The following GNA15 variants were observed in gnomAD, a reference collection of about 807,000 sequenced individuals.
GNA15 encodes the protein guanine nucleotide-binding protein subunit alpha-15.
A neutral mutation model predicts 40.1 loss-of-function variants in GNA15; 23 were observed. The observed-to-expected ratio is 0.57, with a 90% confidence interval of 0.41 to 0.81. The LOEUF (loss-of-function observed/expected upper bound fraction) is 0.81, where lower values mean the gene tolerates loss of function less well. Among genes scored for constraint, GNA15 ranks in the 40% least tolerant of loss-of-function variants. GNA15 has a pLI of 0.00. For missense variants in GNA15, 522 were observed against 515.8 expected (o/e 1.01, Z -0.12); for synonymous variants, 226 against 210.4 (o/e 1.07, Z -0.64).
At chr19:3,137,922 C>A in intron 1 of GNA15, among the ~76,000 whole-genome samples, 1 of 151,212 alleles carries the variant, frequency 6.6e-6, no homozygotes, top group Non-Finnish European at 1.5e-5. Context: ...GATCGGGCCA[C>A]TGCACTCCAG....
chr19:3,155,736 C>A lies in GNA15; in HGVS notation c.615-87C>A. 2 of 1,451,422 alleles carry A rather than the reference C, an allele frequency of 1.4e-6. No homozygotes were observed. The highest frequency in any genetic ancestry group is 9.3e-7 in the Non-Finnish European group (1 of 1,071,934). The allele number at this position is 1,451,422 out of a possible 1,614,324, so 89.9% of individuals were successfully genotyped here. A position where few individuals can be genotyped will look rare whatever the true frequency, so the allele number is the denominator to read the frequency against. ...TATTCTTGCTGTCGCTATTATGGATCTTGGCATATCCCAGACGTGATGGGG... is the reference window on the plus strand; with the variant it reads ...TATTCTTGCTGTCGCTATTATGGATATTGGCATATCCCAGACGTGATGGGG... On this transcript the variant is annotated intron_variant, in intron 4 of 6. Coordinates refer to ENST00000262958, the MANE Select transcript of GNA15 (RefSeq NM_002068.4). The surrounding 1 kb of genome is among the most constrained non-coding windows in gnomAD (Gnocchi z 5.6).
At chr19:3,138,064 A>G (rs626530) in intron 1 of GNA15, among the ~76,000 whole-genome samples, 137,246 of 152,214 alleles carry the variant, frequency 0.9, 61,951 homozygotes, top group African/African-American at 0.92. Context: ...AGGAGTTCGA[A>G]ATCAGCCTGG....
chr19:3,137,233 A>C (rs1351702081), intron 1 of GNA15, among the ~76,000 whole-genome samples: 2 of 152,248 alleles, frequency 1.3e-5, no homozygotes, highest in African/African-American at 2.4e-5. Context: ...TTTAGTCTGT[A>C]AACTCATAAG....
Position 3,136,633 on chromosome 19 carries a change from TG to T in GNA15, c.145+41del. 6.6e-7 allele frequency: 1 copy of T among 1,526,414 alleles called. No homozygotes were observed. The highest frequency in any genetic ancestry group is 8.9e-7 in the Non-Finnish European group (1 of 1,129,426). The allele number at this position is 1,526,414 out of a possible 1,614,324, so 94.6% of individuals were successfully genotyped here. The stretch of plus-strand genomic sequence containing the variant: ...TCGGTGGGCGGTGGGTGGTGGGCAG[TG>T]GGCGGTGGCCAGCCGGCAGGGGTGT... On this transcript the variant is annotated intron_variant, in intron 1 of 6. Transcript: ENST00000262958. The surrounding 1 kb of genome is among the most constrained non-coding windows in gnomAD (Gnocchi z 4.9).
At chr19:3,150,411 G>A in intron 3 of GNA15, 126 bp downstream of exon 3, 1 of 834,184 alleles carries the variant, frequency 1.2e-6, no homozygotes, top group Non-Finnish European at 1.8e-6. Context: ...CCTGCTCCAG[G>A]ATGAGGTCCT....
rs1365825471 is a variant in GNA15, at chr19:3,155,897, T to C, written c.689T>C (p.Ile230Thr). The C allele has an allele frequency of 2.5e-6, 4 of 1,613,798 alleles. No individual in the cohort carries two copies. Among genetic ancestry groups the C allele is most frequent in the Middle Eastern group, 1.6e-4 (1 of 6,084 alleles). The stretch of plus-strand genomic sequence containing the variant: ...TGTTTCGAGAACGTGATCGCCCTCA[T>C]CTACCTGGCCTCACTGAGTGAATAC... ...IHCFENVIALIYLASLSEYDQ... is the reference protein window; with the variant it reads ...IHCFENVIALTYLASLSEYDQ... Residue 230 changes from isoleucine (I) to threonine (T), a missense_variant, in exon 5 of 7, where the codon ATC (isoleucine) becomes ACC (threonine). Coordinates refer to ENST00000262958, the MANE Select transcript of GNA15 (RefSeq NM_002068.4). This position sits in a 1 kb window ranked among gnomAD's most constrained non-coding sequence, Gnocchi z 5.6.
intron 1 of GNA15, among the ~76,000 whole-genome samples, chr19:3,138,379 A>G (rs1007165448): frequency 1.3e-5 from 2 of 151,400 alleles, no homozygotes; most frequent in African/African-American, 2.4e-5. Flanking sequence ...CCGGGATGCT[A>G]GCCTGGGAGG....
rs1161866944 is a variant in GNA15, at chr19:3,163,587, T to C, written c.*568T>C. On this transcript the variant is annotated 3_prime_UTR_variant, in exon 7 of 7. Coordinates refer to ENST00000262958, the MANE Select transcript of GNA15 (RefSeq NM_002068.4). ...TTTCAGAGCTCGGTGGCTCACAGCG[T>C]GTCCTGCCCCGGTTTGCGGACGAGA... The C allele has an allele frequency of 6.5e-6, 1 of 153,508 alleles. No individual in the cohort carries two copies. The highest frequency in any genetic ancestry group is 1.5e-5 in the Non-Finnish European group (1 of 68,830). The allele number at this position is 153,508 out of a possible 1,614,324, so 9.5% of individuals were successfully genotyped here. A position where few individuals can be genotyped will look rare whatever the true frequency, so the allele number is the denominator to read the frequency against.
chr19:3,160,685 A>G (rs1568300030), intron 6 of GNA15, among the ~76,000 whole-genome samples: 1 of 152,194 alleles, frequency 6.6e-6, no homozygotes, highest in Non-Finnish European at 1.5e-5. Context: ...TTAAAACAAC[A>G]GGAAACAACA....
Position 3,155,960 on chromosome 19 carries a change from A to T in GNA15, c.744+8A>T, listed in dbSNP as rs751019559. ...GAGGAGAACAACCAGGAGGTGCGCC[A>T]CCGCCTCCCTCGCCCTGCCCACTTG... On this transcript the variant is annotated splice_region_variant and intron_variant, in intron 5 of 6. Coordinates refer to ENST00000262958, the MANE Select transcript of GNA15 (RefSeq NM_002068.4). This position sits in a 1 kb window ranked among gnomAD's most constrained non-coding sequence, Gnocchi z 5.6. 3.7e-6 allele frequency: 6 copies of T among 1,613,288 alleles called. No individual in the cohort carries two copies. The highest frequency in any genetic ancestry group is 4.2e-6 in the Non-Finnish European group (5 of 1,179,520).
At chr19:3,161,881 A>G (rs558783979) in intron 6 of GNA15, among the ~76,000 whole-genome samples, 1 of 151,574 alleles carries the variant, frequency 6.6e-6, no homozygotes, top group East Asian at 1.9e-4. Flanking sequence ...AAAAATACAA[A>G]AATTAGCTGG....
At chr19:3,153,776 A>G (rs310676) in intron 4 of GNA15, among the ~76,000 whole-genome samples, 36,502 of 148,710 alleles carry the variant, frequency 0.25, 4,657 homozygotes, top group Non-Finnish European at 0.3. Context: ...GGATGGATGA[A>G]TGAATGGGTA....
intron 2 of GNA15, chr19:3,149,031 G>A (rs1914808215): frequency 4.7e-6 from 2 of 422,612 alleles, no homozygotes; most frequent in South Asian, 2.8e-5. Context: ...ATGCACACAA[G>A]GACACACACG....
chr19:3,136,948 C>A lies in GNA15; in HGVS notation c.145+353C>A, dbSNP rs1363144437. Reference sequence around the variant, plus strand: ...GGAATGATGAGCTCAGGTGTGCAACCCGTTCTGGCCAGCCCACCCGTAAGG... The same window carrying A: ...GGAATGATGAGCTCAGGTGTGCAACACGTTCTGGCCAGCCCACCCGTAAGG... On this transcript the variant is annotated intron_variant, in intron 1 of 6. Coordinates refer to ENST00000262958, the MANE Select transcript of GNA15 (RefSeq NM_002068.4). The surrounding 1 kb of genome is among the most constrained non-coding windows in gnomAD (Gnocchi z 4.9). Among the ~76,000 whole-genome samples, 2 of 152,222 alleles carry A rather than the reference C, an allele frequency of 1.3e-5. No homozygotes were observed. The highest frequency in any genetic ancestry group is 2.9e-5 in the Non-Finnish European group (2 of 68,038).
chr19:3,161,803 C>A (rs554997445), intron 6 of GNA15, among the ~76,000 whole-genome samples: 1 of 152,082 alleles, frequency 6.6e-6, no homozygotes, highest in Non-Finnish European at 1.5e-5. Context: ...GAGGCTGAGG[C>A]GCGCAGATCG....
rs61731113 is a variant in GNA15 at position 3,157,796 on chromosome 19, C to T, written c.813C>T (p.Ser271=). The change falls in exon 6 of 7, where the codon TCC becomes TCT. Residue 271 remains serine, a synonymous_variant. Coordinates refer to ENST00000262958, the MANE Select transcript of GNA15 (RefSeq NM_002068.4). ...ILELPWFKST[S]VILFLNKTDI... Reference sequence around the variant, plus strand: ...AACTACCCTGGTTCAAAAGCACATCCGTCATCCTCTTTCTCAACAAAACCG... The same window carrying T: ...AACTACCCTGGTTCAAAAGCACATCTGTCATCCTCTTTCTCAACAAAACCG... 1,315 of 1,613,010 alleles carry T rather than the reference C, an allele frequency of 8.2e-4. 8 individuals are homozygous for T. In the African/African-American group the frequency reaches 0.015, roughly 19 times the overall value.
intron 2 of GNA15, chr19:3,149,690 A>AG (rs1914831127): frequency 6.2e-6 from 1 of 161,200 alleles, no homozygotes; most frequent in African/African-American, 2.4e-5. Context: ...GGGGAAAAGA[A>AG]GGGGAAACCC....
chr19:3,162,294 C>T (rs1285097562), intron 6 of GNA15, among the ~76,000 whole-genome samples: 1 of 151,426 alleles, frequency 6.6e-6, no homozygotes, highest in African/African-American at 2.4e-5. Flanking sequence ...ACAAAAATTA[C>T]CTGGGCATGG....
chr19:3,148,080 TTTTG>T (rs1043545086), intron 1 of GNA15, among the ~76,000 whole-genome samples: 14 of 151,754 alleles, frequency 9.2e-5, no homozygotes, highest in South Asian at 6.2e-4. Flanking sequence ...GTTTTGTTTT[TTTTG>T]TTTGTTTGTT....
Sources: gnomAD v4.1 joint callset for allele counts (sites outside exome capture counted in the v4.1 genomes callset) on GRCh38, gnomAD v4.1.1 for gene constraint, Gnocchi (gnomAD v3.1) non-coding constraint, MANE v1.5 for transcripts, NCBI Gene and HGNC (gene_info 2026-07-23, HGNC 2026-07-21) for gene names.